SORCS1: variants seen among roughly 807,000 people sequenced by gnomAD.
SORCS1 encodes the protein VPS10 domain-containing receptor SorCS1.
A neutral mutation model predicts 146.1 loss-of-function variants in SORCS1; 60 were observed. The ratio of observed to expected loss-of-function variants is 0.41; its 90% CI spans 0.33 to 0.51. SORCS1 has a LOEUF of 0.51. Ranked by LOEUF, SORCS1 falls within the 20% of genes least tolerant of loss-of-function variation. SORCS1 has a pLI of 0.21. For missense variants in SORCS1, 1,352 were observed against 1,487.6 expected, an observed-to-expected ratio of 0.91 and a Z score of 1.50; for synonymous variants, 637 against 584.0, an observed-to-expected ratio of 1.09 and a Z score of -1.31.
chr10:107,124,066 G>A lies in SORCS1; in HGVS notation c.558+39903C>T, dbSNP rs1230694014. ...CCTGCCACTGCACTCCAGCCTGGGCGACAGAGCGAGACTTCGTCTCAAAAA... is the reference window on the plus strand; with the variant it reads ...CCTGCCACTGCACTCCAGCCTGGGCAACAGAGCGAGACTTCGTCTCAAAAA... On this transcript the variant is annotated intron_variant, in intron 1 of 25. Coordinates refer to ENST00000263054, the MANE Select transcript of SORCS1 (RefSeq NM_052918.5). 4.7e-5 allele frequency among the ~76,000 whole-genome samples: 7 copies of A among 149,142 alleles called. No homozygotes were observed. In the South Asian group the frequency reaches 8.4e-4, roughly 18 times the overall value.
chr10:106,783,140 C>T (rs892021281), intron 3 of SORCS1, among the ~76,000 whole-genome samples: 1 of 152,150 alleles, frequency 6.6e-6, no homozygotes, highest in African/African-American at 2.4e-5. Flanking sequence ...TCTCAGTTTC[C>T]TCATTGAAGA....
chr10:106,931,046 G>A (rs573745596), intron 2 of SORCS1, among the ~76,000 whole-genome samples: 144 of 152,248 alleles, frequency 9.5e-4, no homozygotes, highest in African/African-American at 3.4e-3. Context: ...TGTGATTCTG[G>A]AAAAACCACA....
At chr10:106,814,984 G>A (rs1947665121) in intron 3 of SORCS1, among the ~76,000 whole-genome samples, 1 of 151,280 alleles carries the variant, frequency 6.6e-6, no homozygotes, top group East Asian at 2.0e-4. Context: ...TTTTGAGACG[G>A]AGTCTCACTC....
intron 1 of SORCS1, among the ~76,000 whole-genome samples, chr10:107,151,414 G>A (rs1968782334): frequency 6.6e-6 from 1 of 152,154 alleles, no homozygotes; most frequent in African/African-American, 2.4e-5. Flanking sequence ...AAGAAAAAGA[G>A]GTTTAATTGG....
intron 2 of SORCS1, among the ~76,000 whole-genome samples, chr10:106,888,003 A>C (rs7916892): frequency 0.51 from 78,104 of 151,818 alleles, 21,390 homozygotes; most frequent in African/African-American, 0.72. Flanking sequence ...AGCAAATTCC[A>C]AATTCCCAAC....
At chr10:106,623,955 G>A (rs894757495) in intron 19 of SORCS1, among the ~76,000 whole-genome samples, 17 of 152,158 alleles carry the variant, frequency 1.1e-4, no homozygotes, top group Non-Finnish European at 2.1e-4. Flanking sequence ...AAAGTGCTGG[G>A]ACTACAGGCG....
chr10:107,075,822 G>C (rs1052390862), intron 1 of SORCS1, among the ~76,000 whole-genome samples: 2 of 152,040 alleles, frequency 1.3e-5, no homozygotes, highest in African/African-American at 4.8e-5. Context: ...AAAAGCTACA[G>C]CTGAATTCAA....
intron 3 of SORCS1, among the ~76,000 whole-genome samples, chr10:106,825,019 C>T (rs1363074569): frequency 6.6e-6 from 1 of 152,146 alleles, no homozygotes. Context: ...AAAGAATTGG[C>T]TTTTCCAAGT....
intron 2 of SORCS1, among the ~76,000 whole-genome samples, chr10:106,908,724 C>T (rs1039992800): frequency 1.3e-5 from 2 of 152,176 alleles, no homozygotes; most frequent in South Asian, 2.1e-4. Flanking sequence ...TGCCACAGAA[C>T]GGCGCTCTTT....
chr10:106,792,556 T>C (rs2136532707), intron 3 of SORCS1, among the ~76,000 whole-genome samples: 1 of 152,322 alleles, frequency 6.6e-6, no homozygotes, highest in Middle Eastern at 3.4e-3. Context: ...CCAAGATTAT[T>C]CCAGAGCATC....
At chr10:107,173,022 A>G in the SORCS1 span, among the ~76,000 whole-genome samples, 1 of 152,172 alleles carries the variant, frequency 6.6e-6, no homozygotes, top group South Asian at 2.1e-4. Context: ...TTTTATTTTT[A>G]CACACAAATA....
chr10:106,955,713 G>A (rs1389896054), intron 2 of SORCS1, among the ~76,000 whole-genome samples: 8 of 152,218 alleles, frequency 5.3e-5, no homozygotes, highest in Non-Finnish European at 8.8e-5. Flanking sequence ...TGGGCCAGGC[G>A]CGGTGGCTCA....
intron 1 of SORCS1, among the ~76,000 whole-genome samples, chr10:106,982,772 C>T (rs1328109904): frequency 1.3e-5 from 2 of 152,128 alleles, no homozygotes; most frequent in Non-Finnish European, 2.9e-5. Flanking sequence ...TTTACTAAAA[C>T]TGCATTCCAA....
chr10:106,607,144 TCTC>T lies in SORCS1; in HGVS notation c.3165+19_3165+21del. 6.2e-7 allele frequency: 1 copy of T among 1,612,104 alleles called. No individual in the cohort carries two copies. Among genetic ancestry groups the T allele is most frequent in the Non-Finnish European group, 8.5e-7 (1 of 1,179,288 alleles). ...CCACAAACGGTTGAAGCTGAAAACGTCTCCTTTTCCAGGGGACTCACCTGCTCC... is the reference window on the plus strand; with the variant it reads ...CCACAAACGGTTGAAGCTGAAAACGTCTTTTCCAGGGGACTCACCTGCTCC... On this transcript the variant is annotated intron_variant, in intron 23 of 25. Coordinates refer to ENST00000263054, the MANE Select transcript of SORCS1 (RefSeq NM_052918.5).
intron 1 of SORCS1, among the ~76,000 whole-genome samples, chr10:107,125,523 A>G (rs905698533): frequency 5.9e-5 from 9 of 152,204 alleles, no homozygotes; most frequent in African/African-American, 2.2e-4. Context: ...AGTGGTGGCT[A>G]TACAATTTTT....
intron 4 of SORCS1, among the ~76,000 whole-genome samples, chr10:106,773,241 G>A (rs1283881337): frequency 6.6e-6 from 1 of 152,182 alleles, no homozygotes; most frequent in Non-Finnish European, 1.5e-5. Flanking sequence ...AAGAATAAAT[G>A]TTCCTGTTTC....
chr10:107,023,376 C>T (rs1958240527), intron 1 of SORCS1, among the ~76,000 whole-genome samples: 1 of 152,214 alleles, frequency 6.6e-6, no homozygotes, highest in African/African-American at 2.4e-5. Flanking sequence ...TGTCCCCAAA[C>T]CACTTCTCTG....
rs1334129388 is a variant in SORCS1 at position 106,776,700 on chromosome 10, A to G, written c.727-8T>C. 2 of 1,597,440 alleles carry G rather than the reference A, an allele frequency of 1.3e-6. No homozygotes were observed. The highest frequency in any genetic ancestry group is 2.7e-5 in the African/African-American group (2 of 74,378). On this transcript the variant is annotated splice_region_variant and splice_polypyrimidine_tract_variant and intron_variant, in intron 3 of 25. Coordinates refer to ENST00000263054, the MANE Select transcript of SORCS1 (RefSeq NM_052918.5). ...GTCTGTGAGTAACATTATCTGCAGC[A>G]AAGAATTGTTGGAGAAAGAAACAAC...
intron 1 of SORCS1, among the ~76,000 whole-genome samples, chr10:107,095,394 C>A (rs568049513): frequency 6.6e-6 from 1 of 152,220 alleles, no homozygotes; most frequent in African/African-American, 2.4e-5. Flanking sequence ...GCCACTTCCC[C>A]ACCTCATCAT....
Sources: allele counts gnomAD v4.1 joint callset (sites outside exome capture counted in the v4.1 genomes callset), GRCh38; gene constraint gnomAD v4.1.1; transcripts MANE v1.5; gene names NCBI Gene and HGNC (gene_info 2026-07-23, HGNC 2026-07-21).